Variants in GATA4 observed in about 807,000 individuals in gnomAD.
GATA4 encodes GATA binding protein 4, also known as transcription factor GATA-4.
In GATA4, 7 loss-of-function variants were observed where a neutral mutation model predicts 37.9. The ratio of observed to expected loss-of-function variants is 0.18; its 90% CI spans 0.11 to 0.35. GATA4 has a LOEUF of 0.35. GATA4 is among the 10% of genes least tolerant of loss of function. GATA4 has a pLI of 1.00. For missense variants in GATA4, 647 were observed against 653.0 expected (o/e 0.99, Z 0.10); for synonymous variants, 372 against 292.6 (o/e 1.27, Z -2.77).
rs1802606371 is a variant in GATA4 at position 11,756,990 on chromosome 8, C to T, written c.1056C>T (p.Ser352=). The T allele has an allele frequency of 1.2e-6, 2 of 1,614,260 alleles. No individual in the cohort carries two copies. Among genetic ancestry groups the T allele is most frequent in the Non-Finnish European group, 1.7e-6 (2 of 1,180,056 alleles). ...CCAGCGGTGCTTCCAGCAACTCCAG[C>T]AACGCCACCACCAGCAGCAGCGAGG... ...PPASGASSNS[S]NATTSSSEEM... The change falls in exon 6 of 7, where the codon AGC becomes AGT. Residue 352 remains serine, a synonymous_variant. Transcript: ENST00000532059.
intron 2 of GATA4, among the ~76,000 whole-genome samples, chr8:11,727,312 G>A (rs570205333): frequency 3.3e-5 from 5 of 152,198 alleles, no homozygotes; most frequent in Non-Finnish European, 7.3e-5. Flanking sequence ...AGCAGAGGAT[G>A]GGGGGAGAAG....
chr8:11,754,924 GC>G, intron 4 of GATA4, 121 bp from the exon 5 acceptor site: 1 of 765,002 alleles, frequency 1.3e-6, no homozygotes, highest in South Asian at 1.5e-5. Flanking sequence ...GCCCGTCTGG[GC>G]CCCAGGCTTT....
intron 1 of GATA4, among the ~76,000 whole-genome samples, chr8:11,696,083 C>T (rs1200274016): frequency 1.3e-5 from 2 of 152,302 alleles, no homozygotes; most frequent in South Asian, 2.1e-4. Context: ...TATCCTGCTC[C>T]ACCTGTGCTC....
chr8:11,724,031 A>G (rs529801927), intron 2 of GATA4, among the ~76,000 whole-genome samples: 4 of 152,178 alleles, frequency 2.6e-5, no homozygotes, highest in Non-Finnish European at 5.9e-5. Flanking sequence ...CTCTGAATGT[A>G]ACTACTTTAG....
intron 2 of GATA4, among the ~76,000 whole-genome samples, chr8:11,739,003 C>G (rs1397135842): frequency 5.3e-5 from 8 of 152,244 alleles, no homozygotes; most frequent in Non-Finnish European, 7.3e-5. Context: ...GTGGGAGGAA[C>G]AGTTGGTGCC....
intron 2 of GATA4, among the ~76,000 whole-genome samples, chr8:11,712,070 T>C (rs1800208980): frequency 6.6e-6 from 1 of 152,250 alleles, no homozygotes; most frequent in Admixed American, 6.5e-5. Context: ...TTCTGTAAAA[T>C]GGGATCATCA....
intron 1 of GATA4, among the ~76,000 whole-genome samples, chr8:11,695,808 C>T (rs996940873): frequency 3.3e-5 from 5 of 152,178 alleles, no homozygotes; most frequent in Non-Finnish European, 7.3e-5. Flanking sequence ...AGTGCACCGG[C>T]GCTCGTATGT....
At chr8:11,721,885 C>T (rs151188378) in intron 2 of GATA4, among the ~76,000 whole-genome samples, 11 of 152,218 alleles carry the variant, frequency 7.2e-5, no homozygotes, top group African/African-American at 4.8e-5. Context: ...ATTCACCTAC[C>T]TCCCAGGAGG....
At chr8:11,746,665 C>T (rs566118333) in intron 2 of GATA4, among the ~76,000 whole-genome samples, 1 of 152,334 alleles carries the variant, frequency 6.6e-6, no homozygotes, top group South Asian at 2.1e-4. Flanking sequence ...GCGGGGCTGA[C>T]AGCCCATAGG....
chr8:11,688,830 C>G (rs78645806), upstream of GATA4, among the ~76,000 whole-genome samples: 1 of 152,178 alleles, frequency 6.6e-6, no homozygotes, highest in Non-Finnish European at 1.5e-5. Context: ...CCCAAATCCC[C>G]TGAAGCACAA....
At chr8:11,750,916 C>T (rs925159836) in intron 4 of GATA4, among the ~76,000 whole-genome samples, 4 of 151,264 alleles carry the variant, frequency 2.6e-5, no homozygotes, top group Non-Finnish European at 1.5e-5. Context: ...CACTGCACTC[C>T]AGCCTGAGTG....
rs1286772715 is a variant in GATA4, at chr8:11,680,670, C to T, written c.-274+3607C>T. Reference sequence around the variant, plus strand: ...GGAACGTGTCTCGGGTCGCCCTTTGCGTCAGAGACCCCCCCCTTGGGGAGA... The same window carrying T: ...GGAACGTGTCTCGGGTCGCCCTTTGTGTCAGAGACCCCCCCCTTGGGGAGA... On this transcript the variant is annotated intron_variant, in intron 1 of 6. Coordinates refer to the GATA4 transcript ENST00000528712. 7.1e-6 allele frequency: 7 copies of T among 985,200 alleles called. No individual in the cohort carries two copies. The East Asian group carries it at 6.8e-4, about 96-fold the overall frequency. The allele number at this position is 985,200 out of a possible 1,614,324, so 61.0% of individuals were successfully genotyped here.
chr8:11,678,465 T>A (rs1798851941), intron 1 of GATA4, among the ~76,000 whole-genome samples: 1 of 152,220 alleles, frequency 6.6e-6, no homozygotes. Flanking sequence ...TTGCTTACCC[T>A]TGCTAATGTT....
intron 1 of GATA4, among the ~76,000 whole-genome samples, chr8:11,698,396 G>A (rs950747298): frequency 1.9e-4 from 29 of 152,170 alleles, no homozygotes; most frequent in African/African-American, 6.8e-4. Context: ...TCAGTCAATG[G>A]GAAATGAATG....
upstream of GATA4, among the ~76,000 whole-genome samples, chr8:11,687,857 C>T (rs946158896): frequency 6.6e-6 from 1 of 152,240 alleles, no homozygotes; most frequent in Admixed American, 6.5e-5. Flanking sequence ...ACTGATCAAG[C>T]CCTGCCCCCG....
chr8:11,750,265 C>T (rs778490087), intron 4 of GATA4, 29 bp downstream of exon 4: 4 of 1,610,172 alleles, frequency 2.5e-6, no homozygotes, highest in South Asian at 2.2e-5. Context: ...CATGCGGCAT[C>T]CTTGCCTTCT....
intron 1 of GATA4, chr8:11,680,759 A>T: frequency 5.1e-6 from 5 of 982,740 alleles, no homozygotes; most frequent in Non-Finnish European, 6.0e-6. Flanking sequence ...GCTTCTGCGC[A>T]CCCCTCTCCA....
upstream of GATA4, among the ~76,000 whole-genome samples, chr8:11,688,675 G>A (rs1327746268): frequency 6.6e-6 from 1 of 152,164 alleles, no homozygotes; most frequent in African/African-American, 2.4e-5. Flanking sequence ...GTGACTAGGG[G>A]AGCCACAACT....
Position 11,749,164 on chromosome 8 carries a change from AT to A in GATA4, c.786+83del. On this transcript the variant is annotated intron_variant, in intron 3 of 6. Transcript: ENST00000532059. The surrounding 1 kb of genome is among the most constrained non-coding windows in gnomAD (Gnocchi z 4.6). ...TTGGTGGGACATCCTCTGGTTTTGAATTTTGGAACTTGAGGGTGTGCATCGG... is the reference window on the plus strand; with the variant it reads ...TTGGTGGGACATCCTCTGGTTTTGAATTTGGAACTTGAGGGTGTGCATCGG... 7 of 1,466,634 alleles carry A rather than the reference AT, an allele frequency of 4.8e-6. No individual in the cohort carries two copies. In the South Asian group the frequency reaches 8.2e-5, roughly 17 times the overall value. 90.9% of individuals were successfully genotyped at this position (1,466,634 alleles called of 1,614,324 possible). A position where few individuals can be genotyped will look rare whatever the true frequency, so the allele number is the denominator to read the frequency against.
Sources: allele counts gnomAD v4.1 joint callset (sites outside exome capture counted in the v4.1 genomes callset), GRCh38; gene constraint gnomAD v4.1.1; non-coding constraint Gnocchi (gnomAD v3.1); transcripts MANE v1.5; gene names NCBI Gene and HGNC (gene_info 2026-07-23, HGNC 2026-07-21).